Variants in VWA8 observed in about 807,000 individuals in gnomAD.
VWA8 encodes the protein von Willebrand factor A domain containing 8.
Under a neutral mutation model 241.5 loss-of-function variants are expected in VWA8, and 221 were observed. The observed-to-expected ratio is 0.91, with a 90% CI of 0.82 to 1.02. The LOEUF (loss-of-function observed/expected upper bound fraction) is 1.02, where lower values mean the gene tolerates loss of function less well. Ranked by LOEUF, VWA8 falls within the 50% of genes least tolerant of loss-of-function variation. The pLI is 0.00. For missense variants in VWA8, 2,322 were observed against 2,328.7 expected, an observed-to-expected ratio of 1.00 and a Z score of 0.06; for synonymous variants, 852 against 827.1, an observed-to-expected ratio of 1.03 and a Z score of -0.52.
At chr13:41,939,506 A>G (rs1877501745) in intron 2 of VWA8, among the ~76,000 whole-genome samples, 1 of 152,186 alleles carries the variant, frequency 6.6e-6, no homozygotes, top group Non-Finnish European at 1.5e-5. Context: ...AGAGTAATCC[A>G]ACTCTCATGT....
intron 2 of VWA8, among the ~76,000 whole-genome samples, chr13:41,916,904 T>C (rs566498812): frequency 6.6e-6 from 1 of 152,284 alleles, no homozygotes; most frequent in South Asian, 2.1e-4. Flanking sequence ...ACTTCAATGT[T>C]TTCAGGCACA....
chr13:41,612,092 C>A (rs1228193840), intron 38 of VWA8, among the ~76,000 whole-genome samples: 1 of 152,142 alleles, frequency 6.6e-6, no homozygotes, highest in African/African-American at 2.4e-5. Flanking sequence ...CACTACCGCA[C>A]CTATAAGAGT....
chr13:41,634,773 C>T (rs1465408139), intron 37 of VWA8, among the ~76,000 whole-genome samples: 5 of 151,156 alleles, frequency 3.3e-5, no homozygotes. Flanking sequence ...ATATAATTTA[C>T]TTCAGTTTTA....
chr13:41,715,144 GA>G (rs2045340437), intron 26 of VWA8, among the ~76,000 whole-genome samples: 1 of 151,820 alleles, frequency 6.6e-6, no homozygotes, highest in Non-Finnish European at 1.5e-5. Flanking sequence ...TCCGTTGGGA[GA>G]ATTATATACA....
chr13:41,653,189 A>G (rs952577251), intron 37 of VWA8, among the ~76,000 whole-genome samples: 4 of 152,198 alleles, frequency 2.6e-5, no homozygotes, highest in Non-Finnish European at 5.9e-5. Context: ...TGTTTTCCTT[A>G]GGGCTTGTTC....
intron 14 of VWA8, among the ~76,000 whole-genome samples, chr13:41,824,579 G>T (rs764491508): frequency 1.3e-5 from 2 of 152,050 alleles, no homozygotes; most frequent in Non-Finnish European, 2.9e-5. Flanking sequence ...TGTAATCCCA[G>T]CATTTTAGGA....
chr13:41,711,494 C>T (rs1408726251), intron 26 of VWA8, among the ~76,000 whole-genome samples: 1 of 152,138 alleles, frequency 6.6e-6, no homozygotes, highest in Non-Finnish European at 1.5e-5. Flanking sequence ...ACAGGTAATG[C>T]ACAGGGATTT....
At chr13:41,819,038 G>C (rs1870827715) in intron 15 of VWA8, among the ~76,000 whole-genome samples, 180 bp downstream of exon 15, 1 of 152,178 alleles carries the variant, frequency 6.6e-6, no homozygotes, top group South Asian at 2.1e-4. Flanking sequence ...AAGTCCTCCA[G>C]ATGATGCTGA....
intron 37 of VWA8, 138 bp from the exon 38 acceptor site, chr13:41,615,222 A>T: frequency 1.3e-6 from 1 of 774,258 alleles, no homozygotes; most frequent in South Asian, 2.2e-5. Context: ...AAATGCTGTG[A>T]GTATTTGGCA....
intron 15 of VWA8, among the ~76,000 whole-genome samples, chr13:41,817,927 T>C (rs1168042833): frequency 6.6e-6 from 1 of 152,152 alleles, no homozygotes; most frequent in Non-Finnish European, 1.5e-5. Flanking sequence ...AAAGCTCCCA[T>C]GTGGATACTG....
intron 22 of VWA8, among the ~76,000 whole-genome samples, chr13:41,730,462 T>A (rs560266077): frequency 6.6e-6 from 1 of 151,632 alleles, no homozygotes; most frequent in Middle Eastern, 3.4e-3. Context: ...GGCCAAAAAG[T>A]GGTTTGGGAA....
intron 4 of VWA8, among the ~76,000 whole-genome samples, chr13:41,896,859 T>G (rs568334961): frequency 9.9e-5 from 15 of 152,256 alleles, no homozygotes; most frequent in Admixed American, 9.8e-4. Context: ...TATATAAAAA[T>G]GTAAATGGCT....
At chr13:41,772,688 A>T (rs986358519) in intron 20 of VWA8, among the ~76,000 whole-genome samples, 1 of 152,210 alleles carries the variant, frequency 6.6e-6, no homozygotes, top group Non-Finnish European at 1.5e-5. Context: ...TGTGTCATAA[A>T]ATCTCACACA....
chr13:41,777,101 A>G (rs1868630845), intron 20 of VWA8, among the ~76,000 whole-genome samples: 1 of 152,218 alleles, frequency 6.6e-6, no homozygotes. Context: ...AAATTTTCAT[A>G]CGTTCCTCCA....
At chr13:41,618,372 T>C (rs2044635334) in intron 37 of VWA8, among the ~76,000 whole-genome samples, 1 of 152,252 alleles carries the variant, frequency 6.6e-6, no homozygotes, top group South Asian at 2.1e-4. Flanking sequence ...TTCTGGATAT[T>C]AGCCCTTTGT....
At chr13:41,833,005 T>C (rs1398621604) in intron 13 of VWA8, among the ~76,000 whole-genome samples, 2 of 151,170 alleles carry the variant, frequency 1.3e-5, no homozygotes, top group African/African-American at 4.9e-5. Flanking sequence ...TGATAAGGAG[T>C]GTGTAAATAC....
At chr13:41,925,399 C>G (rs546074235) in intron 2 of VWA8, among the ~76,000 whole-genome samples, 22 of 152,218 alleles carry the variant, frequency 1.4e-4, no homozygotes, top group Admixed American at 1.3e-3. Context: ...ATACATATCT[C>G]TAGTACGAAG....
At chr13:41,573,484 A>ATAAATAAAT (rs796873882) in intron 43 of VWA8, among the ~76,000 whole-genome samples, 7 of 117,016 alleles carry the variant, frequency 6.0e-5, no homozygotes, top group African/African-American at 2.6e-4. Flanking sequence ...TAAAAAAAAA[A>ATAAATAAAT]AAATATATAT....
intron 26 of VWA8, among the ~76,000 whole-genome samples, chr13:41,712,390 T>TA (rs1453458546): frequency 6.6e-6 from 1 of 152,094 alleles, no homozygotes; most frequent in Non-Finnish European, 1.5e-5. Flanking sequence ...TATGTATCAA[T>TA]AAAAAAAGAT....
Sources: gnomAD v4.1 joint callset for allele counts (sites outside exome capture counted in the v4.1 genomes callset) on GRCh38, gnomAD v4.1.1 for gene constraint, MANE v1.5 for transcripts, NCBI Gene and HGNC (gene_info 2026-07-23, HGNC 2026-07-21) for gene names.